DDC: variants seen among roughly 807,000 people sequenced by gnomAD.
The protein encoded by DDC is aromatic-L-amino-acid decarboxylase.
In DDC, 43 loss-of-function variants were observed where a neutral mutation model predicts 60.0. That is an observed-to-expected ratio of 0.72 (90% confidence interval 0.56 to 0.92). The LOEUF (loss-of-function observed/expected upper bound fraction) is 0.92. DDC is among the 40% of genes least tolerant of loss of function. The pLI is 0.00. For synonymous variants in DDC, 232 were observed against 234.6 expected, an observed-to-expected ratio of 0.99 and a Z score of 0.10; for missense variants, 573 against 620.2, an observed-to-expected ratio of 0.92 and a Z score of 0.81.
At chr7:50,526,841 G>T (rs998954208) in intron 6 of DDC, among the ~76,000 whole-genome samples, 10 of 152,116 alleles carry the variant, frequency 6.6e-5, no homozygotes, top group African/African-American at 9.7e-5. Context: ...GACAAAGTAG[G>T]CTGCAGGACA....
intron 1 of DDC, among the ~76,000 whole-genome samples, chr7:50,548,422 C>T (rs2044876183): frequency 1.3e-5 from 2 of 152,134 alleles, no homozygotes; most frequent in Non-Finnish European, 2.9e-5. Context: ...AGTATAACTC[C>T]AGTGAGCACA....
chr7:50,527,724 A>G (rs936671209), intron 6 of DDC: 1 of 230,574 alleles, frequency 4.3e-6, no homozygotes, highest in African/African-American at 2.3e-5. Context: ...TTGGGATAAG[A>G]TGGCAGGTAC....
chr7:50,488,733 A>T (rs1319282711), intron 9 of DDC, among the ~76,000 whole-genome samples: 1 of 152,208 alleles, frequency 6.6e-6, no homozygotes, highest in Non-Finnish European at 1.5e-5. Flanking sequence ...AAACTAAAAA[A>T]ATTGTTAGAA....
intron 4 of DDC, among the ~76,000 whole-genome samples, chr7:50,532,687 A>G (rs1392989483): frequency 1.3e-5 from 2 of 152,258 alleles, no homozygotes; most frequent in African/African-American, 4.8e-5. Context: ...CATAATTGCT[A>G]TTCAATGAAA....
intron 11 of DDC, 110 bp from the exon 12 acceptor site, chr7:50,470,281 G>A: frequency 1.2e-6 from 1 of 819,322 alleles, no homozygotes; most frequent in East Asian, 2.5e-5. Flanking sequence ...TTCCCTGGTG[G>A]CCAACCTGCT....
At chr7:50,463,496 G>A in intron 13 of DDC, 65 bp from the exon 14 acceptor site, 5 of 1,410,846 alleles carry the variant, frequency 3.5e-6, no homozygotes, top group Non-Finnish European at 5.0e-6. Flanking sequence ...AACTGGTCAT[G>A]TAGGAAAGAC....
intron 2 of DDC, among the ~76,000 whole-genome samples, 184 bp downstream of exon 2, chr7:50,543,701 G>T (rs1050659272): frequency 6.6e-6 from 1 of 152,178 alleles, no homozygotes; most frequent in African/African-American, 2.4e-5. Flanking sequence ...TGTGTGACCT[G>T]AGGTGGACCA....
intron 4 of DDC, among the ~76,000 whole-genome samples, chr7:50,535,949 C>T (rs2044392493): frequency 6.6e-6 from 1 of 152,082 alleles, no homozygotes; most frequent in Admixed American, 6.5e-5. Context: ...GGAGATGCGA[C>T]CAGGAAAGTG....
chr7:50,466,018 G>T (rs11768997), intron 13 of DDC, among the ~76,000 whole-genome samples: 12,055 of 152,156 alleles, frequency 0.079, 631 homozygotes, highest in South Asian at 0.14. Context: ...GCTCCTCCTC[G>T]CCTCAGAGCT....
Position 50,462,768 on chromosome 7 carries a change from G to GTTTTTT in DDC, c.*18+439_*18+444dup, listed in dbSNP as rs11302809. 5.3e-4 allele frequency among the ~76,000 whole-genome samples: 52 copies of GTTTTTT among 98,320 alleles called. 5 individuals are homozygous for GTTTTTT. Among genetic ancestry groups the GTTTTTT allele is most frequent in the African/African-American group, 1.8e-3 (47 of 25,638 alleles). 64.5% of individuals were successfully genotyped at this position (98,320 alleles called of 152,430 possible). A position where few individuals can be genotyped will look rare whatever the true frequency, so the allele number is the denominator to read the frequency against. ...ATTAACATGGTTTTCTCTTCTTCTT[G>GTTTTTT]TTTTTTTTTTTTTTTTTTTTTGGAC... On this transcript the variant is annotated intron_variant, in intron 14 of 14. Coordinates refer to ENST00000444124, the MANE Select transcript of DDC (RefSeq NM_001082971.2).
intron 4 of DDC, among the ~76,000 whole-genome samples, chr7:50,534,122 A>G (rs2044310316): frequency 6.6e-6 from 1 of 152,378 alleles, no homozygotes; most frequent in Non-Finnish European, 1.5e-5. Context: ...TTCCGAGGTC[A>G]GTTCCTGGAC....
chr7:50,530,971 C>A (rs1179561003), intron 4 of DDC, among the ~76,000 whole-genome samples: 1 of 152,148 alleles, frequency 6.6e-6, no homozygotes, highest in African/African-American at 2.4e-5. Context: ...TTGAGCCAAC[C>A]CACATCCTTT....
chr7:50,459,716 C>T (rs147749603), intron 14 of DDC: 9,914 of 165,420 alleles, frequency 0.06, 352 homozygotes, highest in East Asian at 0.12. Context: ...AGACCCTCCG[C>T]CTGGCAACCA....
rs553133395 is a variant in DDC, at chr7:50,546,498, T to C, written c.-28-2385A>G. 1.1e-3 allele frequency among the ~76,000 whole-genome samples: 169 copies of C among 152,260 alleles called. 1 individual carries two copies. The highest frequency in any genetic ancestry group is 1.6e-3 in the Non-Finnish European group (106 of 68,028). On this transcript the variant is annotated intron_variant, in intron 1 of 14. Transcript: ENST00000444124. ...CAAAAGTGGAAGCACATGAGCCTGA[T>C]TGGACATCAAAGTTGTGCTCAGAAG...
chr7:50,546,207 C>A (rs2044803083), intron 1 of DDC, among the ~76,000 whole-genome samples: 1 of 152,138 alleles, frequency 6.6e-6, no homozygotes, highest in Non-Finnish European at 1.5e-5. Flanking sequence ...GGATTTTTAA[C>A]AATTTTTGTG....
intron 9 of DDC, among the ~76,000 whole-genome samples, chr7:50,489,521 T>A (rs2042955395): frequency 6.6e-6 from 1 of 152,208 alleles, no homozygotes; most frequent in Non-Finnish European, 1.5e-5. Context: ...CTAAAAAAGA[T>A]ACCAAGTCCA....
rs116131707 is a variant in DDC at position 50,473,997 on chromosome 7, T to A, written c.1041+2627A>T. ...TGCAGGAGCAGCTCATAGCTCCTGG[T>A]TGGAAAGGGAGTGCCAGTCAAGGGG... On this transcript the variant is annotated intron_variant, in intron 11 of 14. Coordinates refer to ENST00000444124, the MANE Select transcript of DDC (RefSeq NM_001082971.2). 5.6e-3 allele frequency among the ~76,000 whole-genome samples: 848 copies of A among 152,106 alleles called. 8 individuals carry two copies. The highest frequency in any genetic ancestry group is 0.02 in the African/African-American group (817 of 41,480).
Position 50,463,257 on chromosome 7 carries a change from C to T in DDC, c.1417G>A (p.Asp473Asn), listed in dbSNP as rs759389542. The T allele has an allele frequency of 2.2e-5, 36 of 1,613,736 alleles. No individual in the cohort carries two copies. The highest frequency in any genetic ancestry group is 1.3e-4 in the Admixed American group (8 of 59,948). Reference protein sequence around the residue: ...AWEHIKELAADVLRAERE With the variant: ...AWEHIKELAANVLRAERE Reference sequence around the variant, plus strand: ...TACTCCCTCTCTGCTCGCAGCACGTCGGCCGCCAGCTCTTTGATGTGTTCC... The same window carrying T: ...TACTCCCTCTCTGCTCGCAGCACGTTGGCCGCCAGCTCTTTGATGTGTTCC... The change falls in exon 14 of 15, where the codon GAC (aspartate) becomes AAC (asparagine). Residue 473 changes from aspartate (D) to asparagine (N), a missense_variant. Physicochemically the swap from Asp to Asn is conservative, Grantham distance 23. Transcript: ENST00000444124.
rs560888544 is a variant in DDC at position 50,468,931 on chromosome 7, A to G, written c.1140+1142T>C. Among the ~76,000 whole-genome samples the G allele has an allele frequency of 2.4e-3, 206 of 86,168 alleles. 1 individual carries two copies. The highest frequency in any genetic ancestry group is 8.8e-3 in the African/African-American group (201 of 22,892). The allele number at this position is 86,168 out of a possible 152,430, so 56.5% of individuals were successfully genotyped here. A position where few individuals can be genotyped will look rare whatever the true frequency, so the allele number is the denominator to read the frequency against. On this transcript the variant is annotated intron_variant, in intron 12 of 14. Coordinates refer to ENST00000444124, the MANE Select transcript of DDC (RefSeq NM_001082971.2). ...CTCATATTCAGGACTCAGTTTCCTC[A>G]TTTTTTTTTTTTTTTTTTTTTTTGG...
Sources: gnomAD v4.1 joint callset for allele counts (sites outside exome capture counted in the v4.1 genomes callset) on GRCh38, gnomAD v4.1.1 for gene constraint, MANE v1.5 for transcripts, NCBI Gene and HGNC (gene_info 2026-07-23, HGNC 2026-07-21) for gene names.